Variants in MED23 observed in about 807,000 individuals in gnomAD.
MED23 encodes mediator complex subunit 23.
MED23 carries 105 observed loss-of-function variants against 163.9 expected under a neutral mutation model. That is an observed-to-expected ratio of 0.64 (90% CI 0.55 to 0.75). The LOEUF (loss-of-function observed/expected upper bound fraction) is 0.75, where lower values mean the gene tolerates loss of function less well. MED23 is among the 30% of genes least tolerant of loss of function. MED23 has a pLI of 0.00. For synonymous variants in MED23, 561 were observed against 565.6 expected (o/e 0.99, Z 0.12); for missense variants, 1,054 against 1,649.0 (o/e 0.64, Z 6.25).
chr6:131,577,546 A>G (rs932415285), intron 30 of MED23, among the ~76,000 whole-genome samples: 2 of 152,138 alleles, frequency 1.3e-5, no homozygotes, highest in African/African-American at 2.4e-5. Flanking sequence ...ATGCCCATCA[A>G]CTGGTAGATG....
chr6:131,576,777 C>T (rs1489354128), intron 30 of MED23: 4 of 1,546,854 alleles, frequency 2.6e-6, no homozygotes, highest in Non-Finnish European at 8.9e-7. Context: ...ATTTCCTCCC[C>T]ACTCTGAAGG....
chr6:131,584,163 C>T (rs918425492), downstream of MED23: 3 of 456,440 alleles, frequency 6.6e-6, no homozygotes, highest in Non-Finnish European at 1.2e-5. Flanking sequence ...ACATTGATTT[C>T]CAATTAAAAA....
rs1294194197 is a variant in MED23 at position 131,596,113 on chromosome 6, A to G, written c.2829T>C (p.Pro943=). ...GATAGGGAGACTGGATCTGTACAGG[A>G]GGATCCACCTGTTCCGCGAGGCCCT... is the stretch of plus-strand genomic sequence containing the variant. ...YFEGLAEQVD[P]PVQIQSPYLP... is the part of the protein sequence containing the mutation. Residue 943 remains proline (P), a synonymous_variant, in exon 22 of 29, where the codon CCT becomes CCC. Coordinates refer to ENST00000368068, the MANE Select transcript of MED23 (RefSeq NM_004830.4). The G allele has an allele frequency of 1.2e-6, 2 of 1,613,998 alleles. No individual in the cohort carries two copies. The highest frequency in any genetic ancestry group is 2.2e-5 in the East Asian group (1 of 44,878).
intron 23 of MED23, among the ~76,000 whole-genome samples, chr6:131,593,814 A>C (rs1439793871): frequency 6.6e-6 from 1 of 152,156 alleles, no homozygotes; most frequent in Non-Finnish European, 1.5e-5. Flanking sequence ...TGTAAGAATA[A>C]GATTTTTTCT....
chr6:131,588,739 T>C (rs1412105755), intron 28 of MED23, among the ~76,000 whole-genome samples: 1 of 152,136 alleles, frequency 6.6e-6, no homozygotes, highest in Non-Finnish European at 1.5e-5. Flanking sequence ...TCCTTTAAAA[T>C]GGCCCAGATT....
At chr6:131,615,055 CTCTT>C (rs1411541339) in intron 10 of MED23, among the ~76,000 whole-genome samples, 2 of 96,218 alleles carry the variant, frequency 2.1e-5, no homozygotes, top group East Asian at 3.0e-4. Context: ...CAGGTGTTGT[CTCTT>C]TGTTACCAAA....
chr6:131,610,532 T>C (rs1776208250), intron 10 of MED23, among the ~76,000 whole-genome samples: 1 of 152,154 alleles, frequency 6.6e-6, no homozygotes, highest in African/African-American at 2.4e-5. Context: ...GGGCAATGCA[T>C]AGTAGAGAAT....
chr6:131,583,366 C>CA (rs1774036379), downstream of MED23: 3 of 1,613,892 alleles, frequency 1.9e-6, no homozygotes, highest in African/African-American at 1.3e-5. Flanking sequence ...AAGAAAAGGC[C>CA]AATTCATCTA....
At chr6:131,619,687 GC>G (rs2114750300) in intron 8 of MED23, 139 bp downstream of exon 8, 1 of 659,380 alleles carries the variant, frequency 1.5e-6, no homozygotes, top group Non-Finnish European at 2.7e-6. Flanking sequence ...CAAGGGAAAG[GC>G]ATTATATTAA....
chr6:131,574,028 G>T, exon 31 of MED23: 1 of 517,700 alleles, frequency 1.9e-6, no homozygotes, highest in African/African-American at 1.9e-5. Context: ...ACAGCCACGA[G>T]CTGTGAATCC....
intron 22 of MED23, among the ~76,000 whole-genome samples, chr6:131,595,498 C>T (rs959292729): frequency 1.3e-5 from 2 of 152,214 alleles, no homozygotes; most frequent in Non-Finnish European, 2.9e-5. Flanking sequence ...AGGTGATCTA[C>T]AGTTAGGTAC....
At chr6:131,601,932 A>C (rs1339638349) in intron 17 of MED23, among the ~76,000 whole-genome samples, 1 of 152,092 alleles carries the variant, frequency 6.6e-6, no homozygotes, top group Non-Finnish European at 1.5e-5. Flanking sequence ...TGGGAATTTC[A>C]ATTTTGTTTT....
In MED23 at chr6:131,599,330, T is replaced by C. The variant is rs924881213; in HGVS notation, c.2221-569A>G. ...TAGCCCTACCAGGAGTTATGAAAAA[T>C]GGATGTTCATCATGCCTAACATTTT... On this transcript the variant is annotated intron_variant, in intron 18 of 28. Coordinates refer to ENST00000368068, the MANE Select transcript of MED23 (RefSeq NM_004830.4). Among the ~76,000 whole-genome samples the C allele has an allele frequency of 1.1e-4, 16 of 152,170 alleles. 1 individual carries two copies. The highest frequency in any genetic ancestry group is 6.2e-4 in the South Asian group (3 of 4,820).
At position 131,581,297 on chromosome 6, in the gene MED23, T is replaced by C. The variant is rs1216971255; in HGVS notation, c.4095+6412A>G. The C allele has an allele frequency of 3.1e-6, 5 of 1,613,892 alleles. No homozygotes were observed. Among genetic ancestry groups the C allele is most frequent in the Admixed American group, 3.3e-5 (2 of 60,008 alleles). On this transcript the variant is annotated intron_variant, in intron 30 of 30. Coordinates refer to the MED23 transcript ENST00000354577. ...TCATCTGGGTGGATGCTCACACTGATATCAACACTCCACTGACAACCACAA... is the reference window on the plus strand; with the variant it reads ...TCATCTGGGTGGATGCTCACACTGACATCAACACTCCACTGACAACCACAA...
intron 8 of MED23, 82 bp downstream of exon 8, chr6:131,619,745 A>C: frequency 1.9e-6 from 2 of 1,072,010 alleles, no homozygotes; most frequent in Non-Finnish European, 2.9e-6. Flanking sequence ...GCACATATTA[A>C]GAGAACATCC....
chr6:131,607,078 T>C (rs1775905425), intron 12 of MED23, among the ~76,000 whole-genome samples: 1 of 151,988 alleles, frequency 6.6e-6, no homozygotes, highest in Non-Finnish European at 1.5e-5. Context: ...TTAAACATAT[T>C]GACTATTAAT....
intron 9 of MED23, 73 bp from the exon 10 acceptor site, chr6:131,616,075 T>A: frequency 1.6e-6 from 2 of 1,250,510 alleles, no homozygotes; most frequent in Non-Finnish European, 2.3e-6. Context: ...GAAATGAGAT[T>A]AAAAAATCCT....
chr6:131,600,686 C>A (rs1775404771), intron 17 of MED23, among the ~76,000 whole-genome samples: 1 of 152,202 alleles, frequency 6.6e-6, no homozygotes, highest in South Asian at 2.1e-4. Flanking sequence ...CTGTAGACCT[C>A]TTGGGGATTC....
At chr6:131,586,715 C>T, downstream of MED23, 2 of 1,415,918 alleles carry the variant, frequency 1.4e-6, no homozygotes, top group Non-Finnish European at 1.9e-6. Context: ...ACACAGCCGA[C>T]ACTCATTCCA....
Sources: gnomAD v4.1 joint callset for allele counts (sites outside exome capture counted in the v4.1 genomes callset) on GRCh38, gnomAD v4.1.1 for gene constraint, MANE v1.5 for transcripts, NCBI Gene and HGNC (gene_info 2026-07-23, HGNC 2026-07-21) for gene names.